Variants in IL13RA1 observed in about 807,000 individuals in gnomAD.
IL13RA1 encodes the protein interleukin 13 receptor subunit alpha 1.
Under a neutral mutation model 33.8 loss-of-function variants are expected in IL13RA1, and 14 were observed. The observed-to-expected ratio is 0.41, with a 90% CI of 0.27 to 0.65. The LOEUF is 0.65. IL13RA1 is among the 30% of genes least tolerant of loss of function. IL13RA1 has a pLI of 0.28. For missense variants in IL13RA1, 313 were observed against 327.0 expected (o/e 0.96, Z 0.33); for synonymous variants, 116 against 115.7 (o/e 1.00, Z -0.02).
At chrX:118,732,959 G>A (rs769009082) in intron 1 of IL13RA1, among the ~76,000 whole-genome samples, 1 of 112,059 alleles carries the variant, frequency 8.9e-6, no homozygotes, top group South Asian at 3.7e-4. Context: ...CATGGTTCAT[G>A]TTGTATCATA....
intron 2 of IL13RA1, among the ~76,000 whole-genome samples, chrX:118,742,069 T>G (rs774321671): frequency 9.0e-6 from 1 of 111,648 alleles, no homozygotes; most frequent in Non-Finnish European, 1.9e-5. Context: ...CTTTACTCAC[T>G]TCGCTGGCTT....
intron 10 of IL13RA1, among the ~76,000 whole-genome samples, chrX:118,783,755 T>TACACACACACACAC (rs142945515): frequency 0.029 from 2,931 of 100,889 alleles, 138 homozygotes; most frequent in African/African-American, 0.1. Context: ...AAATCCATAT[T>TACACACACACACAC]ACACACACAC....
chrX:118,801,701 A>G, the IL13RA1 span, among the ~76,000 whole-genome samples: 15 of 112,518 alleles, frequency 1.3e-4, no homozygotes, highest in African/African-American at 4.9e-4. Flanking sequence ...TGCTTAGCAC[A>G]GTGAACTTTA....
At chrX:118,801,024 A>G in the IL13RA1 span, among the ~76,000 whole-genome samples, 3,241 of 111,843 alleles carry the variant, frequency 0.029, 54 homozygotes, top group Non-Finnish European at 0.045. Context: ...TCCTGGGCTC[A>G]AACAATCCTC....
At chrX:118,732,808 T>C (rs1013649910) in intron 1 of IL13RA1, among the ~76,000 whole-genome samples, 1 of 112,181 alleles carries the variant, frequency 8.9e-6, no homozygotes, top group African/African-American at 3.2e-5. Flanking sequence ...CTATCATTGT[T>C]GGACATTTGG....
intron 8 of IL13RA1, chrX:118,770,318 C>T (rs1356951527): frequency 2.8e-6 from 1 of 351,436 alleles, no homozygotes; most frequent in Admixed American, 3.0e-5. Flanking sequence ...CCAGTGCTGG[C>T]CCGGCGAGCC....
chrX:118,749,348 A>C (rs112285587), intron 3 of IL13RA1, among the ~76,000 whole-genome samples: 5 of 112,482 alleles, frequency 4.4e-5, no homozygotes, highest in African/African-American at 1.6e-4. Context: ...AATTGTGTAG[A>C]TATTGTCTAT....
rs1266051335 is a variant in IL13RA1, at chrX:118,744,193, A to G, written c.229-2761A>G. ...TTAGGAATTTAGTTTCTTGTGTGAT[A>G]CAGAGAGGTGTACTTGACTTGGCAG... On this transcript the variant is annotated intron_variant, in intron 2 of 10. Coordinates refer to ENST00000371666, the MANE Select transcript of IL13RA1 (RefSeq NM_001560.3). Among the ~76,000 whole-genome samples, 3 of 111,179 alleles carry G rather than the reference A, an allele frequency of 2.7e-5. No individual in the cohort carries two copies. In the East Asian group the frequency reaches 8.5e-4, roughly 32 times the overall value.
intron 10 of IL13RA1, among the ~76,000 whole-genome samples, chrX:118,779,467 T>C (rs2017819129): frequency 8.9e-6 from 1 of 112,093 alleles, no homozygotes; most frequent in Non-Finnish European, 1.9e-5. Flanking sequence ...ACATGTAGTA[T>C]ATTACAATCA....
At chrX:118,777,545 G>A (rs766432425) in intron 10 of IL13RA1, among the ~76,000 whole-genome samples, 1 of 111,719 alleles carries the variant, frequency 9.0e-6, no homozygotes, top group South Asian at 3.8e-4. Flanking sequence ...TAATGAGCAG[G>A]CCTTCTGACT....
intron 10 of IL13RA1, among the ~76,000 whole-genome samples, chrX:118,788,983 G>T (rs955494171): frequency 1.8e-5 from 2 of 112,062 alleles, no homozygotes; most frequent in African/African-American, 6.5e-5. Flanking sequence ...AGATTTTTGC[G>T]TTAGTGATGC....
downstream of IL13RA1, among the ~76,000 whole-genome samples, chrX:118,799,475 A>G (rs1407823585): frequency 8.9e-6 from 1 of 112,520 alleles, no homozygotes; most frequent in Non-Finnish European, 1.9e-5. Flanking sequence ...TTGTAAATAC[A>G]CCAATCAGCA....
intron 1 of IL13RA1, among the ~76,000 whole-genome samples, chrX:118,730,023 G>A (rs1330321875): frequency 8.9e-6 from 1 of 112,541 alleles, no homozygotes; most frequent in Non-Finnish European, 1.9e-5. Context: ...TACTATATTA[G>A]GCCGGGTGCA....
chrX:118,775,655 T>G (rs755894079), intron 9 of IL13RA1, among the ~76,000 whole-genome samples: 1 of 111,306 alleles, frequency 9.0e-6, no homozygotes, highest in Non-Finnish European at 1.9e-5. Context: ...GGTGTGAAGG[T>G]AATTAAGGAT....
chrX:118,798,799 C>T (rs1017610529), downstream of IL13RA1, among the ~76,000 whole-genome samples: 1 of 112,683 alleles, frequency 8.9e-6, no homozygotes, highest in Non-Finnish European at 1.9e-5. Context: ...TGCTGGCAGT[C>T]CTCACAGCCC....
chrX:118,743,252 T>G (rs890299755), intron 2 of IL13RA1, among the ~76,000 whole-genome samples: 16 of 111,953 alleles, frequency 1.4e-4, no homozygotes, highest in African/African-American at 4.9e-4. Flanking sequence ...TGGGCCAAAC[T>G]GAGGTATCCC....
intron 1 of IL13RA1, among the ~76,000 whole-genome samples, chrX:118,730,629 C>G (rs2017206214): frequency 9.0e-6 from 1 of 111,623 alleles, no homozygotes; most frequent in African/African-American, 3.3e-5. Flanking sequence ...CTTGAAAGCT[C>G]TGAGTCCGGC....
At chrX:118,768,738 G>A (rs777410295) in intron 8 of IL13RA1, among the ~76,000 whole-genome samples, 204 of 111,723 alleles carry the variant, frequency 1.8e-3, no homozygotes, top group Non-Finnish European at 3.3e-3. Context: ...GGCAGAGATT[G>A]CAGAGATGCA....
intron 9 of IL13RA1, among the ~76,000 whole-genome samples, chrX:118,774,530 T>C (rs1270625618): frequency 1.8e-5 from 2 of 112,512 alleles, no homozygotes; most frequent in African/African-American, 6.5e-5. Flanking sequence ...TTTGCATGTG[T>C]TTAGGATTGT....
Sources: gnomAD v4.1 joint callset for allele counts (sites outside exome capture counted in the v4.1 genomes callset) on GRCh38, gnomAD v4.1.1 for gene constraint, MANE v1.5 for transcripts, NCBI Gene and HGNC (gene_info 2026-07-23, HGNC 2026-07-21) for gene names.